Variants in LRRFIP2 observed in about 807,000 individuals in gnomAD.
LRRFIP2 encodes LRR binding FLII interacting protein 2.
A neutral mutation model predicts 125.9 loss-of-function variants in LRRFIP2; 109 were observed. The ratio of observed to expected loss-of-function variants is 0.87; its 90% CI spans 0.74 to 1.01. The LOEUF (loss-of-function observed/expected upper bound fraction) is 1.01, where lower values mean the gene tolerates loss of function less well. Ranked by LOEUF, LRRFIP2 falls within the 50% of genes least tolerant of loss-of-function variation. The pLI, the probability that LRRFIP2 is intolerant of heterozygous loss-of-function variation, is 0.00. For synonymous variants in LRRFIP2, 291 were observed against 293.1 expected, an observed-to-expected ratio of 0.99 and a Z score of 0.07; for missense variants, 850 against 862.3, an observed-to-expected ratio of 0.99 and a Z score of 0.18.
In LRRFIP2 at chr3:37,063,846, CAATT is replaced by C. The variant is rs942051707; in HGVS notation, c.1700-59_1700-56del. On this transcript the variant is annotated intron_variant, in intron 23 of 27. Transcript: ENST00000336686. Reference sequence around the variant, plus strand: ...AATATGTGATGATATAGTACATAAACAATTAAAAATTTTTCAAACTCATAAACAG... The same window carrying C: ...AATATGTGATGATATAGTACATAAACAAAAATTTTTCAAACTCATAAACAG... 242 of 1,368,072 alleles carry C rather than the reference CAATT, an allele frequency of 1.8e-4. 1 individual carries two copies. The African/African-American group carries it at 3.2e-3, about 18-fold the overall frequency. 84.7% of individuals were successfully genotyped at this position (1,368,072 alleles called of 1,614,324 possible).
rs763611034 is a variant in LRRFIP2 at position 37,072,835 on chromosome 3, C to T, written c.1419G>A (p.Val473=). ...QQKIDTMTKE[V]FDLQETLLWK... is the part of the protein sequence containing the mutation. ...AAAGAAGTGTCTCCTGGAGGTCAAA[C>T]ACCTCTTTTGTCATGGTGTCTATTT... Residue 473 remains valine, a synonymous_variant, in exon 21 of 28, where the codon GTG becomes GTA. Transcript: ENST00000336686. 2 of 1,613,136 alleles carry T rather than the reference C, an allele frequency of 1.2e-6. No homozygotes were observed. The highest frequency in any genetic ancestry group is 1.7e-6 in the Non-Finnish European group (2 of 1,179,666).
chr3:37,089,390 G>A (rs1178809334), intron 18 of LRRFIP2, among the ~76,000 whole-genome samples: 1 of 152,120 alleles, frequency 6.6e-6, no homozygotes, highest in Non-Finnish European at 1.5e-5. Flanking sequence ...AAGGATGGAG[G>A]GGAGAGTGGT....
At chr3:37,097,505 T>C (rs2093784306) in intron 15 of LRRFIP2, among the ~76,000 whole-genome samples, 1 of 152,200 alleles carries the variant, frequency 6.6e-6, no homozygotes, top group Non-Finnish European at 1.5e-5. Context: ...TCTGTACTCC[T>C]AGTATCAAGA....
intron 16 of LRRFIP2, 143 bp downstream of exon 16, chr3:37,096,470 AATT>A (rs2093723854): frequency 1.7e-6 from 1 of 575,202 alleles, no homozygotes. Flanking sequence ...ACTCCGAAGG[AATT>A]TTGGAGGGTC....
rs142447598 is a variant in LRRFIP2 at position 37,118,761 on chromosome 3, C to G, written c.330+2731G>C. The stretch of plus-strand genomic sequence containing the variant: ...AATATATCCACCTCACATTCAGGTA[C>G]TGCTAATGTTCAAACATCAAATACT... On this transcript the variant is annotated intron_variant, in intron 6 of 27. Coordinates refer to ENST00000336686, the MANE Select transcript of LRRFIP2 (RefSeq NM_006309.4). Among the ~76,000 whole-genome samples the G allele has an allele frequency of 5.6e-4, 85 of 152,338 alleles. 1 individual carries two copies. The highest frequency in any genetic ancestry group is 1.8e-3 in the African/African-American group (75 of 41,580).
chr3:37,142,982 G>A (rs336601), intron 2 of LRRFIP2, among the ~76,000 whole-genome samples: 31,250 of 152,028 alleles, frequency 0.21, 4,011 homozygotes, highest in South Asian at 0.35. Context: ...CCCTCACGAC[G>A]TGGTGCTTTC....
chr3:37,146,491 G>C (rs927790387), intron 2 of LRRFIP2, among the ~76,000 whole-genome samples: 4 of 152,128 alleles, frequency 2.6e-5, no homozygotes, highest in African/African-American at 9.7e-5. Flanking sequence ...ACAGGCCCCA[G>C]TGTGTGTTGT....
chr3:37,120,164 A>G (rs990548204), intron 6 of LRRFIP2, among the ~76,000 whole-genome samples: 2 of 147,064 alleles, frequency 1.4e-5, no homozygotes, highest in African/African-American at 2.5e-5. Context: ...CTGGAGTGCA[A>G]TGGCGAATCT....
At chr3:37,167,549 G>A (rs2096525287) in intron 1 of LRRFIP2, among the ~76,000 whole-genome samples, 1 of 151,734 alleles carries the variant, frequency 6.6e-6, no homozygotes, top group African/African-American at 2.4e-5. Context: ...AGCTACTTGG[G>A]AGGCTAAGGC....
At chr3:37,101,367 A>G (rs1402528744) in intron 15 of LRRFIP2, among the ~76,000 whole-genome samples, 1 of 151,596 alleles carries the variant, frequency 6.6e-6, no homozygotes, top group Non-Finnish European at 1.5e-5. Flanking sequence ...AAAAAAAAAA[A>G]AAAGAAAGAA....
At chr3:37,152,503 A>G (rs2096062418) in intron 1 of LRRFIP2, among the ~76,000 whole-genome samples, 2 of 152,042 alleles carry the variant, frequency 1.3e-5, no homozygotes, top group East Asian at 3.9e-4. Context: ...GACTGCAGTG[A>G]CATGATCTTG....
chr3:37,132,522 T>C (rs1341185521), intron 2 of LRRFIP2, among the ~76,000 whole-genome samples: 1 of 152,202 alleles, frequency 6.6e-6, no homozygotes, highest in Non-Finnish European at 1.5e-5. Flanking sequence ...CTTTGTTACT[T>C]AGCCAACTCA....
intron 1 of LRRFIP2, among the ~76,000 whole-genome samples, chr3:37,151,588 C>CTTTTTTT (rs891172583): frequency 6.9e-6 from 1 of 145,162 alleles, no homozygotes. Context: ...ATGAAGATTT[C>CTTTTTTT]TTTTTTTTTT....
intron 19 of LRRFIP2, among the ~76,000 whole-genome samples, chr3:37,081,848 C>A (rs1303937253): frequency 6.8e-6 from 1 of 148,038 alleles, no homozygotes; most frequent in Non-Finnish European, 1.5e-5. Flanking sequence ...ACTTGCGCTA[C>A]TCCACTCCAG....
At chr3:37,080,723 GA>G in intron 19 of LRRFIP2, among the ~76,000 whole-genome samples, 1 of 152,174 alleles carries the variant, frequency 6.6e-6, no homozygotes, top group East Asian at 1.9e-4. Flanking sequence ...GTAAGACTGG[GA>G]AATATTAAGC....
intron 6 of LRRFIP2, among the ~76,000 whole-genome samples, chr3:37,115,748 A>T (rs2094752542): frequency 6.6e-6 from 1 of 152,160 alleles, no homozygotes; most frequent in Non-Finnish European, 1.5e-5. Context: ...AATATACAAA[A>T]CTCGTAAGAC....
At chr3:37,129,706 A>G (rs1305297295) in intron 2 of LRRFIP2, among the ~76,000 whole-genome samples, 1 of 152,190 alleles carries the variant, frequency 6.6e-6, no homozygotes, top group South Asian at 2.1e-4. Flanking sequence ...AATGTATACA[A>G]TTCCGACTGG....
chr3:37,175,996 G>A (rs1468475595), upstream of LRRFIP2: 1 of 152,180 alleles, frequency 6.6e-6, no homozygotes, highest in Non-Finnish European at 1.5e-5. Context: ...GCGGAGGCCG[G>A]GAAAAAGGTT....
intron 21 of LRRFIP2, among the ~76,000 whole-genome samples, chr3:37,069,430 A>T (rs2090762408): frequency 6.6e-6 from 1 of 152,176 alleles, no homozygotes; most frequent in South Asian, 2.1e-4. Flanking sequence ...TGCAAAATGA[A>T]CCTTGAGGGC....
Sources: gnomAD v4.1 joint callset for allele counts (sites outside exome capture counted in the v4.1 genomes callset) on GRCh38, gnomAD v4.1.1 for gene constraint, MANE v1.5 for transcripts, NCBI Gene and HGNC (gene_info 2026-07-23, HGNC 2026-07-21) for gene names.